Variants in DACH2 observed in about 807,000 individuals in gnomAD.
DACH2 encodes the protein dachshund homolog 2.
In DACH2, 17 loss-of-function variants were observed where a neutral mutation model predicts 35.8. The ratio of observed to expected loss-of-function variants is 0.48; its 90% CI spans 0.33 to 0.71. DACH2 has a LOEUF of 0.71. Among genes scored for constraint, DACH2 ranks in the 30% least tolerant of loss-of-function variants. The pLI is 0.02. For synonymous variants in DACH2, 195 were observed against 177.3 expected (o/e 1.10, Z -0.79); for missense variants, 469 against 472.7 (o/e 0.99, Z 0.07).
At chrX:86,418,770 C>T (rs1006260541) in intron 2 of DACH2, among the ~76,000 whole-genome samples, 3 of 111,954 alleles carry the variant, frequency 2.7e-5, no homozygotes, top group Admixed American at 9.5e-5. Context: ...ATTACTTGTG[C>T]TTGAATTTCT....
chrX:86,202,386 C>T (rs998481834), intron 1 of DACH2, among the ~76,000 whole-genome samples: 2 of 111,493 alleles, frequency 1.8e-5, no homozygotes, highest in African/African-American at 6.5e-5. Flanking sequence ...CATATTGTTT[C>T]TCAGAGGAGA....
At chrX:86,610,221 T>C (rs147567594) in intron 3 of DACH2, among the ~76,000 whole-genome samples, 3,551 of 110,930 alleles carry the variant, frequency 0.032, 164 homozygotes, top group African/African-American at 0.11. Context: ...AAGCTGCCTC[T>C]TCCTGTGGCC....
chrX:86,646,815 C>T (rs1010752121), intron 3 of DACH2, among the ~76,000 whole-genome samples: 4 of 109,269 alleles, frequency 3.7e-5, no homozygotes, highest in Non-Finnish European at 5.7e-5. Context: ...GACACTTATA[C>T]ATCCTAAATA....
At position 86,683,637 on chromosome X, in the gene DACH2, T is replaced by A. The variant is rs6653112; in HGVS notation, c.773-11384T>A. On this transcript the variant is annotated intron_variant, in intron 4 of 11. Transcript: ENST00000373125. ...CACTAGTGGTCTTCATCATCTTTTG[T>A]TAGTAGTATAGTTAAAAAGGTAGTC... Among the ~76,000 whole-genome samples, 564 of 111,754 alleles carry A rather than the reference T, an allele frequency of 5.0e-3. 6 individuals carry two copies. The highest frequency in any genetic ancestry group is 0.017 in the African/African-American group (538 of 30,896).
chrX:86,307,100 C>T (rs1331063724), intron 1 of DACH2, among the ~76,000 whole-genome samples: 1 of 111,619 alleles, frequency 9.0e-6, no homozygotes, highest in East Asian at 2.8e-4. Context: ...ATATCATTGG[C>T]CATATATGGA....
intron 3 of DACH2, among the ~76,000 whole-genome samples, chrX:86,602,921 T>G (rs1439090503): frequency 1.8e-5 from 2 of 111,509 alleles, no homozygotes; most frequent in Admixed American, 1.9e-4. Flanking sequence ...TTTTCTCCTA[T>G]GTTTTCCCTA....
At chrX:86,631,732 A>G (rs2040203057) in intron 3 of DACH2, among the ~76,000 whole-genome samples, 1 of 111,956 alleles carries the variant, frequency 8.9e-6, no homozygotes, top group Admixed American at 9.5e-5. Context: ...AAACATTTCA[A>G]ACTAATATGA....
intron 11 of DACH2, among the ~76,000 whole-genome samples, chrX:86,818,980 A>G (rs985497669): frequency 9.3e-6 from 1 of 107,533 alleles, no homozygotes; most frequent in Non-Finnish European, 1.9e-5. Flanking sequence ...AATCTTATAT[A>G]TATAAGATTT....
intron 7 of DACH2, among the ~76,000 whole-genome samples, chrX:86,774,819 A>T (rs769930413): frequency 8.9e-6 from 1 of 112,116 alleles, no homozygotes; most frequent in Non-Finnish European, 1.9e-5. Context: ...CACACGAATG[A>T]CCATACACTT....
intron 2 of DACH2, among the ~76,000 whole-genome samples, chrX:86,399,211 T>G (rs765132314): frequency 8.4e-4 from 94 of 111,695 alleles, no homozygotes; most frequent in Non-Finnish European, 1.3e-3. Flanking sequence ...AACCCCTGCC[T>G]TTTTTTGTTT....
chrX:86,493,788 T>C (rs2038127492), intron 2 of DACH2, among the ~76,000 whole-genome samples: 1 of 112,098 alleles, frequency 8.9e-6, no homozygotes, highest in African/African-American at 3.2e-5. Context: ...AAACTACTTA[T>C]GTGTTTGTTA....
intron 2 of DACH2, among the ~76,000 whole-genome samples, chrX:86,437,019 T>A (rs1019583346): frequency 2.7e-5 from 3 of 111,287 alleles, no homozygotes; most frequent in African/African-American, 9.8e-5. Context: ...CATTAGTGAT[T>A]GGAGTCTTCT....
chrX:86,323,485 T>A (rs925390604), intron 1 of DACH2, among the ~76,000 whole-genome samples: 1 of 111,993 alleles, frequency 8.9e-6, no homozygotes, highest in African/African-American at 3.3e-5. Context: ...CCTAATTGAA[T>A]TATTTCCCAG....
At chrX:86,480,745 C>A (rs942253419) in intron 2 of DACH2, among the ~76,000 whole-genome samples, 10 of 112,110 alleles carry the variant, frequency 8.9e-5, no homozygotes, top group Non-Finnish European at 1.7e-4. Flanking sequence ...ACCATATAAT[C>A]TTTTCTGATA....
chrX:86,338,490 G>A (rs1159752364), intron 1 of DACH2, among the ~76,000 whole-genome samples: 1 of 111,564 alleles, frequency 9.0e-6, no homozygotes, highest in Non-Finnish European at 1.9e-5. Context: ...CAAAATTAAG[G>A]CATAAATGAA....
intron 3 of DACH2, among the ~76,000 whole-genome samples, chrX:86,519,213 T>C (rs1353137227): frequency 8.9e-6 from 1 of 112,569 alleles, no homozygotes; most frequent in Non-Finnish European, 1.9e-5. Context: ...GATTTCAATA[T>C]GTTGAACCAA....
intron 1 of DACH2, among the ~76,000 whole-genome samples, chrX:86,292,809 A>G (rs372233589): frequency 9.1e-5 from 10 of 110,420 alleles, no homozygotes; most frequent in African/African-American, 3.0e-4. Flanking sequence ...TATAATTTCT[A>G]TTCTTTTACA....
intron 1 of DACH2, among the ~76,000 whole-genome samples, chrX:86,254,807 T>TATATATAC: frequency 2.0e-5 from 1 of 49,652 alleles, no homozygotes; most frequent in Admixed American, 2.5e-4. Flanking sequence ...TATATATATA[T>TATATATAC]AGAGAGAGAG....
intron 1 of DACH2, among the ~76,000 whole-genome samples, chrX:86,177,751 T>C (rs549938854): frequency 4.9e-4 from 55 of 111,425 alleles, no homozygotes; most frequent in African/African-American, 1.8e-3. Flanking sequence ...TAGTAACATC[T>C]GCTATTAAGA....
Sources: allele counts gnomAD v4.1 joint callset (sites outside exome capture counted in the v4.1 genomes callset), GRCh38; gene constraint gnomAD v4.1.1; transcripts MANE v1.5; gene names NCBI Gene and HGNC (gene_info 2026-07-23, HGNC 2026-07-21).